The following FARSB variants were observed in gnomAD, a reference collection of about 807,000 sequenced individuals.
FARSB encodes phenylalanyl-tRNA synthetase subunit beta.
Under a neutral mutation model 69.6 loss-of-function variants are expected in FARSB, and 40 were observed. That is an observed-to-expected ratio of 0.57 (90% CI 0.45 to 0.75). The LOEUF is 0.75. FARSB is among the 30% of genes least tolerant of loss of function. FARSB has a pLI of 0.00. For synonymous variants in FARSB, 235 were observed against 247.2 expected, an observed-to-expected ratio of 0.95 and a Z score of 0.46; for missense variants, 632 against 722.9, an observed-to-expected ratio of 0.87 and a Z score of 1.44.
At chr2:222,612,253 G>A (rs1243557943) in intron 15 of FARSB, among the ~76,000 whole-genome samples, 1 of 152,200 alleles carries the variant, frequency 6.6e-6, no homozygotes, top group African/African-American at 2.4e-5. Flanking sequence ...ATTCTACATA[G>A]TGATATTAAA....
chr2:222,644,144 T>C (rs949406839), intron 2 of FARSB, among the ~76,000 whole-genome samples: 1 of 152,190 alleles, frequency 6.6e-6, no homozygotes, highest in African/African-American at 2.4e-5. Context: ...ACAATATAAG[T>C]AGTTCAAATT....
At chr2:222,598,134 C>G (rs998104045) in intron 16 of FARSB, among the ~76,000 whole-genome samples, 2 of 152,214 alleles carry the variant, frequency 1.3e-5, no homozygotes, top group African/African-American at 4.8e-5. Context: ...TTTCTGGATG[C>G]CCTGAAGAAG....
At chr2:222,644,041 C>T (rs1691787269) in intron 2 of FARSB, among the ~76,000 whole-genome samples, 1 of 152,206 alleles carries the variant, frequency 6.6e-6, no homozygotes, top group Non-Finnish European at 1.5e-5. Context: ...AGAATTCCTA[C>T]TATTTCCACC....
intron 5 of FARSB, among the ~76,000 whole-genome samples, chr2:222,638,761 C>CA (rs1391621571): frequency 1.3e-5 from 2 of 152,016 alleles, no homozygotes; most frequent in East Asian, 1.9e-4. Context: ...AGATCTCACA[C>CA]AAAAAAATAA....
chr2:222,593,195 G>A (rs1690323200), intron 16 of FARSB, among the ~76,000 whole-genome samples: 1 of 152,116 alleles, frequency 6.6e-6, no homozygotes, highest in Admixed American at 6.6e-5. Flanking sequence ...GAGGAAAAGG[G>A]GCGGGGCAGG....
chr2:222,594,093 C>CAAAACA (rs1690347599), intron 16 of FARSB, among the ~76,000 whole-genome samples: 1 of 51,548 alleles, frequency 1.9e-5, no homozygotes, highest in Non-Finnish European at 3.1e-5. Context: ...CCCGCCTCTA[C>CAAAACA]AAAAAAAAAA....
intron 3 of FARSB, among the ~76,000 whole-genome samples, chr2:222,641,926 TGAA>T (rs144041663): frequency 0.038 from 5,842 of 152,234 alleles, 171 homozygotes; most frequent in African/African-American, 0.08. Flanking sequence ...GACCAGATAA[TGAA>T]GAAGTAATCA....
intron 5 of FARSB, among the ~76,000 whole-genome samples, chr2:222,637,262 G>A (rs2106233419): frequency 6.6e-6 from 1 of 152,290 alleles, no homozygotes; most frequent in Middle Eastern, 3.4e-3. Context: ...GGAAACAAGT[G>A]AGGTGAGCCC....
Position 222,571,793 on chromosome 2 carries a change from C to A in FARSB, c.*78G>T. The A allele has an allele frequency of 8.1e-7, 1 of 1,238,724 alleles. No homozygotes were observed. Among genetic ancestry groups the A allele is most frequent in the Non-Finnish European group, 1.1e-6 (1 of 880,062 alleles). The allele number at this position is 1,238,724 out of a possible 1,614,324, so 76.7% of individuals were successfully genotyped here. On this transcript the variant is annotated 3_prime_UTR_variant, in exon 17 of 17. Coordinates refer to ENST00000281828, the MANE Select transcript of FARSB (RefSeq NM_005687.5). ...ACATCAAAGCCCAAATAGATGTTCCCTGTGGAGGAGGACTTAAGGACACTA... is the reference window on the plus strand; with the variant it reads ...ACATCAAAGCCCAAATAGATGTTCCATGTGGAGGAGGACTTAAGGACACTA...
intron 2 of FARSB, among the ~76,000 whole-genome samples, chr2:222,645,237 T>C (rs1691818828): frequency 6.6e-6 from 1 of 152,316 alleles, no homozygotes; most frequent in South Asian, 2.1e-4. Context: ...GGCAAAGTAA[T>C]TGTCCATAGT....
intron 16 of FARSB, among the ~76,000 whole-genome samples, chr2:222,573,955 T>A (rs1276313957): frequency 6.6e-6 from 1 of 152,252 alleles, no homozygotes; most frequent in Non-Finnish European, 1.5e-5. Context: ...ATAACTTTAC[T>A]GTGTTTAAGA....
intron 10 of FARSB, among the ~76,000 whole-genome samples, chr2:222,626,127 T>C (rs1691266721): frequency 6.6e-6 from 1 of 150,688 alleles, no homozygotes; most frequent in South Asian, 2.1e-4. Flanking sequence ...CACAAGCCTG[T>C]AATCCCAGCT....
intron 16 of FARSB, among the ~76,000 whole-genome samples, chr2:222,594,326 A>G (rs1237414931): frequency 6.6e-6 from 1 of 152,092 alleles, no homozygotes; most frequent in Non-Finnish European, 1.5e-5. Flanking sequence ...ATATGTATAC[A>G]TTGCTGATTG....
Position 222,628,876 on chromosome 2 carries a change from A to G in FARSB, c.861T>C (p.Ala287=), listed in dbSNP as rs1330894496. 29 of 1,610,264 alleles carry G rather than the reference A, an allele frequency of 1.8e-5. No individual in the cohort carries two copies. Among genetic ancestry groups the G allele is most frequent in the Non-Finnish European group, 2.4e-5 (28 of 1,177,772 alleles). Reference sequence around the variant, plus strand: ...ATTTTCCATTAGGAAAAACCACTTCAGCAGCTTCGACCCTGAAAACAAAAG... The same window carrying G: ...ATTTTCCATTAGGAAAAACCACTTCGGCAGCTTCGACCCTGAAAACAAAAG... ...YCENQFTVEA[A]EVVFPNGKSH... The change falls in exon 10 of 17, where the codon GCT becomes GCC. Residue 287 remains alanine, a synonymous_variant. Transcript: ENST00000281828.
chr2:222,577,349 T>C (rs1015374176), intron 16 of FARSB, among the ~76,000 whole-genome samples: 6 of 152,194 alleles, frequency 3.9e-5, no homozygotes, highest in Non-Finnish European at 8.8e-5. Flanking sequence ...CCTAATCCCT[T>C]GAGTTTAATG....
chr2:222,569,644 A>G lies in FARSB; in HGVS notation c.*2227T>C, dbSNP rs996185163. 6.6e-6 allele frequency: 1 copy of G among 152,186 alleles called. No individual in the cohort carries two copies. Among genetic ancestry groups the G allele is most frequent in the African/African-American group, 2.4e-5 (1 of 41,442 alleles). 9.4% of individuals were successfully genotyped at this position (152,186 alleles called of 1,614,324 possible). A position where few individuals can be genotyped will look rare whatever the true frequency, so the allele number is the denominator to read the frequency against. On this transcript the variant is annotated 3_prime_UTR_variant, in exon 17 of 17. Transcript: ENST00000281828. The stretch of plus-strand genomic sequence containing the variant: ...AAAAAGTTTTCTCTTAACCCACTGC[A>G]GTCAGTTCTCTTTCCTGAGGTCCTG...
intron 14 of FARSB, among the ~76,000 whole-genome samples, chr2:222,617,439 A>G (rs1691026473): frequency 6.6e-6 from 1 of 152,212 alleles, no homozygotes; most frequent in South Asian, 2.1e-4. Context: ...ATACAAGGCG[A>G]AGAGAGAGGT....
intron 2 of FARSB, 138 bp from the exon 3 acceptor site, chr2:222,643,143 G>A (rs1006935038): frequency 2.6e-5 from 13 of 501,818 alleles, no homozygotes; most frequent in South Asian, 1.6e-4. Flanking sequence ...TTATATCCAC[G>A]ACAAAAACAA....
chr2:222,606,133 C>T (rs533222673), intron 15 of FARSB, among the ~76,000 whole-genome samples: 10 of 152,272 alleles, frequency 6.6e-5, no homozygotes, highest in African/African-American at 2.4e-4. Context: ...TAGGCGCCCC[C>T]TCCCAACTCC....
Sources: allele counts gnomAD v4.1 joint callset (sites outside exome capture counted in the v4.1 genomes callset), GRCh38; gene constraint gnomAD v4.1.1; transcripts MANE v1.5; gene names NCBI Gene and HGNC (gene_info 2026-07-23, HGNC 2026-07-21).